Variants in VPS50 observed in about 807,000 individuals in gnomAD.
VPS50 encodes the protein VPS50 subunit of EARP/GARPII complex.
A neutral mutation model predicts 139.7 loss-of-function variants in VPS50; 70 were observed. That is an observed-to-expected ratio of 0.50 (90% CI 0.41 to 0.61). The LOEUF is 0.61. Among genes scored for constraint, VPS50 ranks in the 20% least tolerant of loss-of-function variants. The pLI is 0.00. For missense variants in VPS50, 921 were observed against 1,133.7 expected, an observed-to-expected ratio of 0.81 and a Z score of 2.69; for synonymous variants, 365 against 376.7, an observed-to-expected ratio of 0.97 and a Z score of 0.36.
intron 21 of VPS50, among the ~76,000 whole-genome samples, chr7:93,324,630 G>C (rs1797715647): frequency 6.6e-6 from 1 of 152,110 alleles, no homozygotes; most frequent in Admixed American, 6.6e-5. Context: ...AAAATCACAA[G>C]CATTCTTATA....
chr7:93,317,649 T>G (rs1172169799), intron 20 of VPS50, among the ~76,000 whole-genome samples: 1 of 152,216 alleles, frequency 6.6e-6, no homozygotes, highest in Non-Finnish European at 1.5e-5. Context: ...AACGGGCACC[T>G]TTAACAAGTT....
chr7:93,336,965 A>AT (rs1798084519), intron 22 of VPS50, among the ~76,000 whole-genome samples: 1 of 152,202 alleles, frequency 6.6e-6, no homozygotes, highest in African/African-American at 2.4e-5. Context: ...TTAAGGTTTC[A>AT]TTTTTCAATC....
intron 21 of VPS50, among the ~76,000 whole-genome samples, chr7:93,333,679 TGAG>T (rs1797996348): frequency 6.6e-6 from 1 of 152,202 alleles, no homozygotes; most frequent in Non-Finnish European, 1.5e-5. Flanking sequence ...GATTTTTGAA[TGAG>T]GAGTTAAGCT....
chr7:93,342,830 G>C (rs954691349), intron 23 of VPS50, among the ~76,000 whole-genome samples: 8 of 152,172 alleles, frequency 5.3e-5, no homozygotes, highest in East Asian at 1.9e-4. Flanking sequence ...AAACCCATCT[G>C]TACATCACCA....
intron 2 of VPS50, among the ~76,000 whole-genome samples, chr7:93,245,214 G>A (rs1033613191): frequency 1.3e-5 from 2 of 151,774 alleles, no homozygotes; most frequent in East Asian, 1.9e-4. Context: ...GGGGTGAGTT[G>A]TTGAGTAGAG....
At chr7:93,294,461 G>A (rs1584437482) in intron 13 of VPS50, 84 bp from the exon 14 acceptor site, 6 of 1,179,266 alleles carry the variant, frequency 5.1e-6, no homozygotes, top group East Asian at 2.5e-5. Context: ...GACTTACAAT[G>A]TGTGAGAGGC....
intron 20 of VPS50, among the ~76,000 whole-genome samples, chr7:93,312,508 G>GAA (rs920679366): frequency 2.0e-5 from 3 of 152,168 alleles, no homozygotes; most frequent in African/African-American, 4.8e-5. Flanking sequence ...CTCATTAGTA[G>GAA]AAGTATCTTC....
At chr7:93,275,077 T>A (rs1796113981) in intron 11 of VPS50, among the ~76,000 whole-genome samples, 1 of 152,196 alleles carries the variant, frequency 6.6e-6, no homozygotes, top group Non-Finnish European at 1.5e-5. Flanking sequence ...AAGATGTGAC[T>A]GAATTGCTAC....
At chr7:93,252,839 T>A in intron 3 of VPS50, 64 bp downstream of exon 3, 1 of 1,313,874 alleles carries the variant, frequency 7.6e-7, no homozygotes, top group Admixed American at 2.5e-5. Context: ...ATTTATGAGA[T>A]TTGAATACTT....
At chr7:93,255,156 A>G (rs1191050971) in intron 4 of VPS50, among the ~76,000 whole-genome samples, 5 of 152,180 alleles carry the variant, frequency 3.3e-5, no homozygotes, top group Non-Finnish European at 5.9e-5. Context: ...TTTTATTTCT[A>G]TTATGGTTAC....
chr7:93,302,689 C>A (rs1421885507), intron 16 of VPS50, among the ~76,000 whole-genome samples: 1 of 151,674 alleles, frequency 6.6e-6, no homozygotes, highest in Non-Finnish European at 1.5e-5. Flanking sequence ...TTATTTTGAA[C>A]CTGTGGATTT....
At chr7:93,290,438 C>A (rs1796616664) in intron 12 of VPS50, among the ~76,000 whole-genome samples, 1 of 145,270 alleles carries the variant, frequency 6.9e-6, no homozygotes, top group African/African-American at 2.5e-5. Context: ...TTTTTTGTGA[C>A]CACAGGGGTT....
At position 93,280,699 on chromosome 7, in the gene VPS50, G is replaced by A. The variant is rs575625603; in HGVS notation, c.942+4394G>A. ...TTGGCAGGCTGATGGGTTTTCCTGG[G>A]GAGCTTATTTCAAGATGCTAATTAG... On this transcript the variant is annotated intron_variant, in intron 12 of 27. Transcript: ENST00000305866. 2.0e-5 allele frequency among the ~76,000 whole-genome samples: 3 copies of A among 151,938 alleles called. No homozygotes were observed. The South Asian group carries it at 6.2e-4, about 32-fold the overall frequency.
chr7:93,328,338 A>C (rs1038817693), intron 21 of VPS50, among the ~76,000 whole-genome samples: 2 of 152,174 alleles, frequency 1.3e-5, no homozygotes, highest in Non-Finnish European at 2.9e-5. Context: ...AGTAAATCTT[A>C]CGAAGGTTCT....
chr7:93,294,820 A>T (rs532571467), intron 14 of VPS50, among the ~76,000 whole-genome samples, 184 bp downstream of exon 14: 1 of 152,250 alleles, frequency 6.6e-6, no homozygotes, highest in East Asian at 1.9e-4. Flanking sequence ...GCAGGAAAAA[A>T]GTTTTTTAAT....
At chr7:93,233,572 G>A (rs1335033909) in intron 1 of VPS50, among the ~76,000 whole-genome samples, 1 of 152,116 alleles carries the variant, frequency 6.6e-6, no homozygotes, top group African/African-American at 2.4e-5. Flanking sequence ...GATTATTTTA[G>A]TTATGTCAGA....
intron 24 of VPS50, among the ~76,000 whole-genome samples, 155 bp from the exon 25 acceptor site, chr7:93,349,720 C>T (rs116736950): frequency 0.017 from 2,534 of 152,200 alleles, 87 homozygotes; most frequent in African/African-American, 0.058. Context: ...TGCCTTCACT[C>T]AAATATTCAA....
chr7:93,342,023 C>T (rs1341449194), intron 23 of VPS50, among the ~76,000 whole-genome samples: 10 of 152,150 alleles, frequency 6.6e-5, no homozygotes, highest in East Asian at 1.9e-4. Flanking sequence ...CCAGCGTGAA[C>T]GACACAGAAG....
At chr7:93,255,948 C>T (rs1584393528) in intron 4 of VPS50, among the ~76,000 whole-genome samples, 1 of 152,174 alleles carries the variant, frequency 6.6e-6, no homozygotes, top group African/African-American at 2.4e-5. Flanking sequence ...AATCATTATA[C>T]TTCTAACTTG....
Sources: allele counts gnomAD v4.1 joint callset (sites outside exome capture counted in the v4.1 genomes callset), GRCh38; gene constraint gnomAD v4.1.1; transcripts MANE v1.5; gene names NCBI Gene and HGNC (gene_info 2026-07-23, HGNC 2026-07-21).